The following BEND2 variants were observed in gnomAD, a reference collection of about 807,000 sequenced individuals.
BEND2 encodes BEN domain-containing protein 2.
A neutral mutation model predicts 43.8 loss-of-function variants in BEND2; 19 were observed. That is an observed-to-expected ratio of 0.43 (90% confidence interval 0.30 to 0.64). BEND2 has a LOEUF of 0.64. BEND2 is among the 30% of genes least tolerant of loss of function. BEND2 has a pLI of 0.11. For missense variants in BEND2, 544 were observed against 574.0 expected, an observed-to-expected ratio of 0.95 and a Z score of 0.53; for synonymous variants, 226 against 210.1, an observed-to-expected ratio of 1.08 and a Z score of -0.66.
At chrX:18,173,948 T>G in intron 12 of BEND2, 82 bp downstream of exon 12, 2 of 834,571 alleles carry the variant, frequency 2.4e-6, no homozygotes, top group South Asian at 5.1e-5. Flanking sequence ...AATAGTACAA[T>G]GAACCCCATA....
At chrX:18,191,335 T>C (rs1159322334) in intron 7 of BEND2, among the ~76,000 whole-genome samples, 1 of 111,724 alleles carries the variant, frequency 9.0e-6, no homozygotes, top group Non-Finnish European at 1.9e-5. Flanking sequence ...GGAAGGAATC[T>C]TGCACCGTCA....
chrX:18,184,560 C>G (rs771737409), intron 8 of BEND2, among the ~76,000 whole-genome samples: 1 of 111,965 alleles, frequency 8.9e-6, no homozygotes, highest in South Asian at 3.8e-4. Context: ...GGCGGCACCT[C>G]TACAAGTCTT....
rs1017669230 is a variant in BEND2, at chrX:18,177,598, A to G, written c.1601T>C (p.Leu534Pro). The G allele has an allele frequency of 1.1e-5, 13 of 1,209,165 alleles. No individual in the cohort carries two copies. The highest frequency in any genetic ancestry group is 1.3e-5 in the Non-Finnish European group (12 of 894,913). ...CAATGCAGCCATTTTGTTCGGGTCGAGGGATTGGCTGTCTTTCAAATGGAT... is the reference window on the plus strand; with the variant it reads ...CAATGCAGCCATTTTGTTCGGGTCGGGGGATTGGCTGTCTTTCAAATGGAT... ...VDIHLKDSQS[L>P]DPNKMAALRE... The change falls in exon 10 of 14, where the codon CTC becomes CCC. Residue 534 changes from leucine (L) to proline (P), a missense_variant. Leu to Pro is a moderately conservative substitution (Grantham distance 98). Coordinates refer to ENST00000380033, the MANE Select transcript of BEND2 (RefSeq NM_153346.5).
At chrX:18,179,329 T>C (rs748782660) in intron 9 of BEND2, among the ~76,000 whole-genome samples, 1 of 108,344 alleles carries the variant, frequency 9.2e-6, no homozygotes, top group South Asian at 4.2e-4. Flanking sequence ...GCCTGGCTAA[T>C]TTTTTGTATT....
chrX:18,211,825 T>C (rs1449075152), intron 4 of BEND2, among the ~76,000 whole-genome samples: 3 of 109,714 alleles, frequency 2.7e-5, no homozygotes, highest in African/African-American at 9.9e-5. Flanking sequence ...AGTATTCATA[T>C]GACAGAATAC....
At chrX:18,203,015 A>G (rs1161431275) in intron 5 of BEND2, among the ~76,000 whole-genome samples, 2 of 111,998 alleles carry the variant, frequency 1.8e-5, no homozygotes, top group Admixed American at 1.9e-4. Flanking sequence ...AAAAAAAGCC[A>G]GTACCAAAAG....
At chrX:18,195,470 T>A in intron 6 of BEND2, 28 bp from the exon 7 acceptor site, 4 of 1,152,804 alleles carry the variant, frequency 3.5e-6, no homozygotes, top group Admixed American at 2.3e-5. Flanking sequence ...GAATGCTCAA[T>A]CATAAATTCT....
chrX:18,216,162 C>T (rs193102003), intron 2 of BEND2, among the ~76,000 whole-genome samples: 1 of 111,442 alleles, frequency 9.0e-6, no homozygotes, highest in East Asian at 2.8e-4. Context: ...AATCATGCCA[C>T]CTGCTCCATG....
intron 12 of BEND2, 66 bp from the exon 13 acceptor site, chrX:18,171,270 C>CGT: frequency 9.3e-7 from 1 of 1,078,187 alleles, no homozygotes. Context: ...TTTTTAAAAG[C>CGT]TGAAACAGAA....
Position 18,195,579 on chromosome X carries a change from A to T in BEND2, c.1034-137T>A, listed in dbSNP as rs774574354. The T allele has an allele frequency of 1.0e-5, 6 of 597,759 alleles. No individual in the cohort carries two copies. The Admixed American group carries it at 1.2e-4, about 12-fold the overall frequency. 49.3% of individuals were successfully genotyped at this position (597,759 alleles called of 1,213,427 possible). On this transcript the variant is annotated intron_variant, in intron 6 of 13. Transcript: ENST00000380033. ...TCCCTAGCCGACTTATCCATATAAA[A>T]GGTTAAAGGAAAATCTCCAGGCCTG...
chrX:18,220,622 C>T, intron 1 of BEND2, 104 bp downstream of exon 1: 1 of 1,098,845 alleles, frequency 9.1e-7, no homozygotes, highest in South Asian at 1.9e-5. Flanking sequence ...CAATGACTAG[C>T]CAATCCTGCC....
rs377168293 is a variant in BEND2, at chrX:18,203,524, G to A, written c.884C>T (p.Ser295Phe). The A allele has an allele frequency of 9.1e-6, 11 of 1,206,917 alleles. No individual in the cohort carries two copies. The highest frequency in any genetic ancestry group is 1.2e-5 in the Non-Finnish European group (11 of 891,605). ...ACCCAAATTGGGATGGAAGCAGAAA[G>A]ATGACAAGGCTCTACCTGGGCCCAC... Reference protein sequence around the residue: ...ENVGPGRALSSFCFHPNLEMP... With the variant: ...ENVGPGRALSFFCFHPNLEMP... The change falls in exon 5 of 14, where the codon TCT becomes TTT. Residue 295 changes from serine (S) to phenylalanine (F), a missense_variant. This residue lies in a region of BEND2 where 501 missense variants were observed against 501.6 expected (regional missense o/e 1.00). Transcript: ENST00000380033.
chrX:18,201,405 A>AC (rs1925146430), intron 6 of BEND2, among the ~76,000 whole-genome samples: 1 of 96,898 alleles, frequency 1.0e-5, no homozygotes. Flanking sequence ...TCAAAAAAAA[A>AC]AAAAAAAAAA....
chrX:18,178,017 T>C (rs1177548015), intron 9 of BEND2, among the ~76,000 whole-genome samples: 3 of 111,444 alleles, frequency 2.7e-5, no homozygotes, highest in Non-Finnish European at 3.8e-5. Flanking sequence ...CTTCTACTGG[T>C]CTTGAGCTTG....
rs182510440 is a variant in BEND2, at chrX:18,220,135, G to A, written c.25+591C>T. Among the ~76,000 whole-genome samples the A allele has an allele frequency of 6.4e-4, 71 of 111,397 alleles. No individual in the cohort carries two copies. The East Asian group carries it at 0.018, about 28-fold the overall frequency. On this transcript the variant is annotated intron_variant, in intron 1 of 13. Coordinates refer to ENST00000380033, the MANE Select transcript of BEND2 (RefSeq NM_153346.5). The stretch of plus-strand genomic sequence containing the variant: ...CCACGCGGGCACCCCGGGAGAGGCG[G>A]CGGGTACCACCCAAAGCACCCCCTC...
intron 9 of BEND2, 75 bp from the exon 10 acceptor site, chrX:18,177,844 T>C: frequency 2.4e-6 from 2 of 832,560 alleles, no homozygotes; most frequent in Non-Finnish European, 3.5e-6. Flanking sequence ...ACAAGAGAAT[T>C]ACACTGATTT....
chrX:18,174,874 T>C (rs1230639035), intron 11 of BEND2, among the ~76,000 whole-genome samples: 1 of 110,121 alleles, frequency 9.1e-6, no homozygotes, highest in African/African-American at 3.3e-5. Context: ...GGGACGGGGG[T>C]TGGGGAGGGT....
intron 10 of BEND2, among the ~76,000 whole-genome samples, chrX:18,176,341 G>C (rs1924153140): frequency 1.0e-5 from 1 of 95,869 alleles, no homozygotes; most frequent in Non-Finnish European, 2.1e-5. Context: ...CACTGACGTA[G>C]GAAGCTAATA....
rs758848941 is a variant in BEND2 at position 18,180,619 on chromosome X, T to C, written c.1320A>G (p.Val440=). 1.9e-5 allele frequency: 23 copies of C among 1,207,799 alleles called. No homozygotes were observed. Among genetic ancestry groups the C allele is most frequent in the Non-Finnish European group, 2.2e-5 (20 of 893,229 alleles). The change falls in exon 9 of 14, where the codon GTA becomes GTG. Residue 440 remains valine, a synonymous_variant. Coordinates refer to ENST00000380033, the MANE Select transcript of BEND2 (RefSeq NM_153346.5). ...ALLPLNILVK[V]DTNTENSVNT... is the part of the protein sequence containing the mutation. ...TGACGCTGTTTTCCGTGTTGGTGTCTACTTTTACCAAAATATTCAGAGGTA... is the reference window on the plus strand; with the variant it reads ...TGACGCTGTTTTCCGTGTTGGTGTCCACTTTTACCAAAATATTCAGAGGTA...
Sources: allele counts gnomAD v4.1 joint callset (sites outside exome capture counted in the v4.1 genomes callset), GRCh38; gene constraint gnomAD v4.1.1; regional missense constraint gnomAD v4.1.1; transcripts MANE v1.5; gene names NCBI Gene and HGNC (gene_info 2026-07-23, HGNC 2026-07-21).